BCOR: variants seen among roughly 807,000 people sequenced by gnomAD.
BCOR encodes the protein BCL6 corepressor.
In BCOR, 10 loss-of-function variants were observed where a neutral mutation model predicts 86.7. That is an observed-to-expected ratio of 0.12 (90% confidence interval 0.07 to 0.20). BCOR has a LOEUF of 0.20. Among genes scored for constraint, BCOR ranks in the 10% least tolerant of loss-of-function variants. The probability of loss-of-function intolerance (pLI) is 1.00; values close to 1 mark genes in which losing one functional copy is unlikely to be tolerated. For missense variants in BCOR, 1,259 were observed against 1,452.1 expected (o/e 0.87, Z 2.16); for synonymous variants, 611 against 609.0 (o/e 1.00, Z -0.05).
chrX:40,058,132 TC>T (rs1327763946), intron 10 of BCOR, among the ~76,000 whole-genome samples: 3 of 112,236 alleles, frequency 2.7e-5, no homozygotes, highest in African/African-American at 9.7e-5. Context: ...ATCCTTCCCT[TC>T]CCCCTTTGCA....
At chrX:40,117,896 T>C (rs1451827816) in intron 1 of BCOR, among the ~76,000 whole-genome samples, 2 of 110,731 alleles carry the variant, frequency 1.8e-5, no homozygotes, top group African/African-American at 6.6e-5. Context: ...CCCTCTGGCA[T>C]GAGGCTTCCT....
chrX:40,099,735 CAT>C (rs1471139559), upstream of BCOR, among the ~76,000 whole-genome samples: 3 of 112,501 alleles, frequency 2.7e-5, no homozygotes, highest in South Asian at 3.6e-4. Context: ...GTTCTCAGCA[CAT>C]AGTTATAAAA....
intron 1 of BCOR, among the ~76,000 whole-genome samples, chrX:40,166,829 G>C (rs1260559334): frequency 8.9e-6 from 1 of 112,290 alleles, no homozygotes; most frequent in African/African-American, 3.2e-5. Context: ...TCAGGGCAGA[G>C]CTGGCTGCTG....
chrX:40,151,808 GCGAGCAGGCAGGCGGGGGCGCGGGGCCT>G (rs2147988739), intron 1 of BCOR, among the ~76,000 whole-genome samples: 1 of 112,731 alleles, frequency 8.9e-6, no homozygotes, highest in South Asian at 3.7e-4. Context: ...CGTGTCCCGG[GCGAGCAGGCAGGCGGGGGCGCGGGGCCT>G]CGAGCTGCCC....
chrX:40,080,196 C>T (rs1187978429), intron 1 of BCOR, among the ~76,000 whole-genome samples: 1 of 108,595 alleles, frequency 9.2e-6, no homozygotes, highest in Non-Finnish European at 1.9e-5. Context: ...AATCCCAGAA[C>T]TTTGGGAGGC....
At chrX:40,070,780 T>C (rs976251185) in intron 6 of BCOR, among the ~76,000 whole-genome samples, 193 bp downstream of exon 6, 4 of 112,139 alleles carry the variant, frequency 3.6e-5, no homozygotes, top group Non-Finnish European at 7.5e-5. Context: ...TTATCAACTC[T>C]AGAACCAGTG....
intron 1 of BCOR, among the ~76,000 whole-genome samples, chrX:40,079,241 A>G (rs773494988): frequency 1.1e-4 from 12 of 112,122 alleles, no homozygotes; most frequent in African/African-American, 3.9e-4. Flanking sequence ...GAAAGCCCAA[A>G]TGTTCCCTAA....
At chrX:40,119,140 C>CT (rs1404598962) in intron 1 of BCOR, among the ~76,000 whole-genome samples, 1 of 111,606 alleles carries the variant, frequency 9.0e-6, no homozygotes, top group African/African-American at 3.3e-5. Context: ...GCCTGAGACT[C>CT]TGTTTTTTAA....
At chrX:40,087,938 T>A (rs1936431055) in intron 1 of BCOR, among the ~76,000 whole-genome samples, 1 of 112,732 alleles carries the variant, frequency 8.9e-6, no homozygotes, top group Non-Finnish European at 1.9e-5. Flanking sequence ...ATTTACATAG[T>A]TTGGACATTT....
chrX:40,052,121 G>A lies in BCOR; in HGVS notation c.5256C>T (p.Asp1752=), dbSNP rs757009393. 1 of 1,195,145 alleles carries A rather than the reference G, an allele frequency of 8.4e-7. No homozygotes were observed. Among genetic ancestry groups the A allele is most frequent in the African/African-American group, 1.8e-5 (1 of 57,021 alleles). The change falls in exon 15 of 15, where the codon GAC becomes GAT. Residue 1752 remains aspartate (D), a synonymous_variant. Coordinates refer to ENST00000378444, the MANE Select transcript of BCOR (RefSeq NM_001123385.2). ...GGGTCCAGCTTGCTCACCAGTAGTT[G>A]TCTGAGGCCAGATCACTGGGGTGGA... The part of the protein sequence containing the change: ...EWLHPSDLAS[D]NYW
At chrX:40,100,110 G>A (rs988560891), upstream of BCOR, among the ~76,000 whole-genome samples, 4 of 112,952 alleles carry the variant, frequency 3.5e-5, no homozygotes, top group African/African-American at 1.3e-4. Context: ...TAGATTGAAC[G>A]CATGCGAGTT....
chrX:40,114,954 G>A (rs1937371442), intron 1 of BCOR, among the ~76,000 whole-genome samples: 1 of 103,474 alleles, frequency 9.7e-6, no homozygotes, highest in Admixed American at 1.1e-4. Flanking sequence ...CCGGGTTCAT[G>A]CCATTCTCCT....
chrX:40,084,306 GCC>G (rs1936250097), intron 1 of BCOR, among the ~76,000 whole-genome samples: 1 of 112,163 alleles, frequency 8.9e-6, no homozygotes, highest in African/African-American at 3.2e-5. Context: ...GGGGACACTT[GCC>G]CGTCTCCCCG....
Position 40,073,148 on chromosome X carries a change from G to A in BCOR, c.2198C>T (p.Thr733Met), listed in dbSNP as rs763556586. Reference sequence around the variant, plus strand: ...CTCCTCTTTAGTAATCTCTATGGGCGTGTGTGGTATCAACATGGGATGCAC... The same window carrying A: ...CTCCTCTTTAGTAATCTCTATGGGCATGTGTGGTATCAACATGGGATGCAC... Reference protein sequence around the residue: ...GMVHPMLIPHTPIEITKEEKP... With the variant: ...GMVHPMLIPHMPIEITKEEKP... The change falls in exon 4 of 15, where the codon ACG (threonine) becomes ATG (methionine). Residue 733 changes from threonine to methionine, a missense_variant. Physicochemically the swap from Thr to Met is moderately conservative, Grantham distance 81 (BLOSUM62 -1). Transcript: ENST00000378444. 10 of 1,210,327 alleles carry A rather than the reference G, an allele frequency of 8.3e-6. No homozygotes were observed. Among genetic ancestry groups the A allele is most frequent in the African/African-American group, 3.5e-5 (2 of 57,266 alleles).
At chrX:40,173,150 C>T (rs1036491679) in intron 1 of BCOR, among the ~76,000 whole-genome samples, 5 of 111,949 alleles carry the variant, frequency 4.5e-5, no homozygotes, top group African/African-American at 1.6e-4. Flanking sequence ...AGATCACTTT[C>T]ATTACAAAAC....
In BCOR at chrX:40,092,388, G is replaced by C. The variant is rs757349449; in HGVS notation, c.-41+4827C>G. ...AAGCCATACCCTAGCCGGAGTTTAC[G>C]TGCGCGTCTGGGGTCACCGAGGCGC... On this transcript the variant is annotated intron_variant, in intron 1 of 14. Coordinates refer to ENST00000378444, the MANE Select transcript of BCOR (RefSeq NM_001123385.2). Among the ~76,000 whole-genome samples, 4 of 111,009 alleles carry C rather than the reference G, an allele frequency of 3.6e-5. No homozygotes were observed. The Admixed American group carries it at 3.8e-4, about 10-fold the overall frequency.
intron 1 of BCOR, among the ~76,000 whole-genome samples, chrX:40,139,386 T>A (rs868822483): frequency 1.0e-3 from 9 of 8,875 alleles, no homozygotes; most frequent in African/African-American, 7.7e-3. Flanking sequence ...ATATATATAA[T>A]ATATATACAT....
At chrX:40,171,785 C>A (rs1602286022) in intron 1 of BCOR, among the ~76,000 whole-genome samples, 3 of 113,345 alleles carry the variant, frequency 2.6e-5, no homozygotes, top group African/African-American at 9.6e-5. Context: ...GAGAGGGAGC[C>A]GGAAAGAAAC....
chrX:40,118,670 A>G (rs1937434961), intron 1 of BCOR, among the ~76,000 whole-genome samples: 1 of 111,565 alleles, frequency 9.0e-6, no homozygotes. Flanking sequence ...CATCTAACAC[A>G]ATGCTTAGCA....
Sources: allele counts gnomAD v4.1 joint callset (sites outside exome capture counted in the v4.1 genomes callset), GRCh38; gene constraint gnomAD v4.1.1; transcripts MANE v1.5; gene names NCBI Gene and HGNC (gene_info 2026-07-23, HGNC 2026-07-21).